The following FBXO46 variants were observed in gnomAD, a reference collection of about 807,000 sequenced individuals.
FBXO46 encodes the protein F-box only protein 46.
A neutral mutation model predicts 30.7 loss-of-function variants in FBXO46; 13 were observed. The observed-to-expected ratio is 0.42, with a 90% CI of 0.28 to 0.67. The LOEUF (loss-of-function observed/expected upper bound fraction) is 0.67, where lower values mean the gene tolerates loss of function less well. Among genes scored for constraint, FBXO46 ranks in the 30% least tolerant of loss-of-function variants. The probability of loss-of-function intolerance (pLI) is 0.21; values close to 1 mark genes in which losing one functional copy is unlikely to be tolerated. For missense variants in FBXO46, 754 were observed against 871.5 expected (o/e 0.87, Z 1.70); for synonymous variants, 467 against 385.8 (o/e 1.21, Z -2.47).
rs1000652101 is a variant in FBXO46, at chr19:45,713,319, G to T, written c.177C>A (p.Ala59=). 9 of 1,613,336 alleles carry T rather than the reference G, an allele frequency of 5.6e-6. No homozygotes were observed. The African/African-American group carries it at 1.1e-4, about 19-fold the overall frequency. The change falls in exon 2 of 2, where the codon GCC becomes GCA. Residue 59 remains alanine (A), a synonymous_variant. Transcript: ENST00000317683. The surrounding 1 kb of genome is among the most constrained non-coding windows in gnomAD (Gnocchi z 4.7). Reference sequence around the variant, plus strand: ...GGGAGGCAGGGACCTCAGTGGCCAAGGCGGGTGGTGTGTTCTCTGAGTGGG... The same window carrying T: ...GGGAGGCAGGGACCTCAGTGGCCAATGCGGGTGGTGTGTTCTCTGAGTGGG... ...GPAHSENTPP[A]LATEVPASQP...
intron 1 of FBXO46, among the ~76,000 whole-genome samples, chr19:45,723,948 A>G (rs1056551493): frequency 4.6e-5 from 7 of 152,188 alleles, no homozygotes; most frequent in Non-Finnish European, 1.0e-4. Flanking sequence ...AGACAGCTTT[A>G]CCATAGCAGT....
chr19:45,732,752 G>A (rs1014940811), upstream of FBXO46, among the ~76,000 whole-genome samples: 4 of 151,386 alleles, frequency 2.6e-5, no homozygotes, highest in South Asian at 6.3e-4. Context: ...CACCATGCCC[G>A]GCTAATTTTT....
intron 1 of FBXO46, chr19:45,723,514 AGCTGGGC>A (rs1214362150): frequency 1.3e-5 from 2 of 152,236 alleles, no homozygotes; most frequent in African/African-American, 2.4e-5. Flanking sequence ...CAGGACTCAA[AGCTGGGC>A]ACTCTGGCTT....
In FBXO46 at chr19:45,712,071, C is replaced by A; in HGVS notation, c.1425G>T (p.Leu475=). The change falls in exon 2 of 2, where the codon CTG becomes CTT. Residue 475 remains leucine, a synonymous_variant. Transcript: ENST00000317683. The surrounding 1 kb of genome is among the most constrained non-coding windows in gnomAD (Gnocchi z 8.8). ...TCTTGACCAGCACGTGCTCGGGCAG[C>A]AGCAGCATGTACTGTCGCGGCTCCA... The part of the protein sequence containing the change: ...RLLEPRQYML[L]LPEHVLVKIF... 6.2e-7 allele frequency: 1 copy of A among 1,609,936 alleles called. No individual in the cohort carries two copies. The highest frequency in any genetic ancestry group is 8.5e-7 in the Non-Finnish European group (1 of 1,178,658).
Position 45,712,908 on chromosome 19 carries a change from T to A in FBXO46, c.588A>T (p.Pro196=). ...ALQSYPRPTT[P]APVVFVSAEQ... is the part of the protein sequence containing the mutation. ...CGGCGGACACAAAGACTACAGGCGC[T>A]GGGGTGGTCGGTCGTGGGTAGCTCT... Residue 196 remains proline (P), a synonymous_variant, in exon 2 of 2, where the codon CCA becomes CCT. Transcript: ENST00000317683. This position sits in a 1 kb window ranked among gnomAD's most constrained non-coding sequence, Gnocchi z 8.8. 6.2e-7 allele frequency: 1 copy of A among 1,612,094 alleles called. No homozygotes were observed.
intron 1 of FBXO46, among the ~76,000 whole-genome samples, chr19:45,730,280 G>A (rs1253020707): frequency 6.6e-6 from 1 of 152,012 alleles, no homozygotes; most frequent in African/African-American, 2.4e-5. Flanking sequence ...GGAGTCTCTG[G>A]CGGGACTAGG....
Position 45,712,445 on chromosome 19 carries a change from G to C in FBXO46, c.1051C>G (p.Pro351Ala). ...CAGTCCCGGGCAGGGGGCGGAGGGG[G>C]CGCCGGGGGAGTGTCCTCAGGCCTG... ...PARPEDTPPA[P>A]PPPPARDCGA... is the part of the protein sequence containing the mutation. The change falls in exon 2 of 2, where the codon CCC (proline) becomes GCC (alanine). Residue 351 changes from proline (P) to alanine (A), a missense_variant. Transcript: ENST00000317683. The surrounding 1 kb of genome is among the most constrained non-coding windows in gnomAD (Gnocchi z 8.8). 1 of 1,611,128 alleles carries C rather than the reference G, an allele frequency of 6.2e-7. No homozygotes were observed. The highest frequency in any genetic ancestry group is 8.5e-7 in the Non-Finnish European group (1 of 1,179,380).
rs1321514712 is a variant in FBXO46, at chr19:45,713,017, G to C, written c.479C>G (p.Pro160Arg). The change falls in exon 2 of 2, where the codon CCC (proline) becomes CGC (arginine). Residue 160 changes from proline to arginine, a missense_variant. By Grantham distance (103) the Pro-to-Arg change is moderately radical (BLOSUM62 -2). Coordinates refer to ENST00000317683, the MANE Select transcript of FBXO46 (RefSeq NM_001080469.2). This position sits in a 1 kb window ranked among gnomAD's most constrained non-coding sequence, Gnocchi z 4.7. Reference protein sequence around the residue: ...REGPPAAEEGPASAGEDVDLL... With the variant: ...REGPPAAEEGRASAGEDVDLL... ...GTCCACGTCCTCACCGGCTGAGGCGGGGCCCTCCTCAGCAGCAGGGGGGCC... is the reference window on the plus strand; with the variant it reads ...GTCCACGTCCTCACCGGCTGAGGCGCGGCCCTCCTCAGCAGCAGGGGGGCC... 1 of 1,557,844 alleles carries C rather than the reference G, an allele frequency of 6.4e-7. No homozygotes were observed. Among genetic ancestry groups the C allele is most frequent in the South Asian group, 1.2e-5 (1 of 85,028 alleles).
At chr19:45,727,443 A>G (rs958121040) in intron 1 of FBXO46, among the ~76,000 whole-genome samples, 2 of 151,926 alleles carry the variant, frequency 1.3e-5, no homozygotes, top group African/African-American at 4.8e-5. Context: ...CTGTAATCTC[A>G]GCTACGCAGG....
At chr19:45,726,982 G>A (rs1360228278) in intron 1 of FBXO46, among the ~76,000 whole-genome samples, 1 of 152,142 alleles carries the variant, frequency 6.6e-6, no homozygotes, top group East Asian at 1.9e-4. Flanking sequence ...GGCTGGCTGG[G>A]CACTGGGGCT....
intron 1 of FBXO46, chr19:45,717,168 A>G (rs1025760163): frequency 2.6e-5 from 4 of 152,170 alleles, no homozygotes; most frequent in Non-Finnish European, 5.9e-5. Flanking sequence ...GCAAATGGAA[A>G]AGGAACCCCC....
rs1568543544 is a variant in FBXO46 at position 45,711,442 on chromosome 19, T to TTA, written c.*241_*242insTA. The TTA allele has an allele frequency of 2.6e-5, 16 of 606,514 alleles. No homozygotes were observed. The highest frequency in any genetic ancestry group is 3.3e-5 in the Non-Finnish European group (11 of 333,216). The allele number at this position is 606,514 out of a possible 1,614,324, so 37.6% of individuals were successfully genotyped here. On this transcript the variant is annotated 3_prime_UTR_variant, in exon 2 of 2. Transcript: ENST00000317683. Reference sequence around the variant, plus strand: ...AATGGAGAAGAAAGTGAGATGCTGATAAAAAAAAAAAAAACACCCTTCTCA... The same window carrying TTA: ...AATGGAGAAGAAAGTGAGATGCTGATTAAAAAAAAAAAAAAACACCCTTCTCA...
At position 45,711,033 on chromosome 19, in the gene FBXO46, G is replaced by T. The variant is rs3837965; in HGVS notation, c.*651C>A. On this transcript the variant is annotated 3_prime_UTR_variant, in exon 2 of 2. Coordinates refer to ENST00000317683, the MANE Select transcript of FBXO46 (RefSeq NM_001080469.2). ...GTTTTTATACTTCAGCTTTTTTTTT[G>T]TCTGCCCCCCTCTTCCTCTACGCGG... 0.29 allele frequency: 44,610 copies of T among 153,074 alleles called. 4,408 individuals carry two copies. The highest frequency in any genetic ancestry group is 0.39 in the East Asian group (1,067 of 2,738). 9.5% of individuals were successfully genotyped at this position (153,074 alleles called of 1,614,324 possible).
upstream of FBXO46, among the ~76,000 whole-genome samples, chr19:45,732,033 C>G (rs1910580917): frequency 6.6e-6 from 1 of 151,228 alleles, no homozygotes; most frequent in African/African-American, 2.4e-5. Flanking sequence ...AAGAGAATGG[C>G]GTGAACCCAG....
chr19:45,725,773 A>G (rs1968231396), intron 1 of FBXO46, among the ~76,000 whole-genome samples: 1 of 152,058 alleles, frequency 6.6e-6, no homozygotes, highest in Admixed American at 6.6e-5. Flanking sequence ...CACATGGACT[A>G]CTTAAGGAAT....
chr19:45,712,090 G>A lies in FBXO46; in HGVS notation c.1406C>T (p.Pro469Leu). 1 of 1,604,880 alleles carries A rather than the reference G, an allele frequency of 6.2e-7. No homozygotes were observed. ...GGGCAGCAGCAGCATGTACTGTCGC[G>A]GCTCCAGCAGCCGCTGAATCTTGAA... ...IRFKIQRLLE[P>L]RQYMLLLPEH... Residue 469 changes from proline to leucine, a missense_variant, in exon 2 of 2, where the codon CCG (proline) becomes CTG (leucine). By Grantham distance (98) the Pro-to-Leu change is moderately conservative. Transcript: ENST00000317683. The surrounding 1 kb of genome is among the most constrained non-coding windows in gnomAD (Gnocchi z 8.8).
intron 1 of FBXO46, among the ~76,000 whole-genome samples, chr19:45,729,161 G>T (rs562963584): frequency 4.6e-5 from 7 of 152,128 alleles, no homozygotes; most frequent in African/African-American, 1.4e-4. Flanking sequence ...AGGCGCAATG[G>T]CTCACGCCTG....
intron 1 of FBXO46, among the ~76,000 whole-genome samples, chr19:45,721,284 C>T (rs1405155477): frequency 6.6e-6 from 1 of 151,956 alleles, no homozygotes; most frequent in African/African-American, 2.4e-5. Context: ...GTGGAGGGTG[C>T]AGTGAGCTGA....
At chr19:45,719,733 G>C (rs979527068) in intron 1 of FBXO46, among the ~76,000 whole-genome samples, 1 of 152,182 alleles carries the variant, frequency 6.6e-6, no homozygotes, top group Non-Finnish European at 1.5e-5. Context: ...GTTGGGCGCT[G>C]GAACACACAG....
Sources: gnomAD v4.1 joint callset for allele counts (sites outside exome capture counted in the v4.1 genomes callset) on GRCh38, gnomAD v4.1.1 for gene constraint, Gnocchi (gnomAD v3.1) non-coding constraint, MANE v1.5 for transcripts, NCBI Gene and HGNC (gene_info 2026-07-23, HGNC 2026-07-21) for gene names.